MSRB2: variants seen among roughly 807,000 people sequenced by gnomAD.
The protein encoded by MSRB2 is methionine-R-sulfoxide reductase B2, mitochondrial.
Under a neutral mutation model 19.0 loss-of-function variants are expected in MSRB2, and 17 were observed. The ratio of observed to expected loss-of-function variants is 0.89; its 90% confidence interval spans 0.61 to 1.34. The LOEUF is 1.34. Ranked by LOEUF, MSRB2 falls within the 40% of genes most tolerant of loss-of-function variation. MSRB2 has a pLI of 0.00. For synonymous variants in MSRB2, 107 were observed against 99.7 expected (o/e 1.07, Z -0.44); for missense variants, 208 against 237.6 (o/e 0.88, Z 0.82).
chr10:23,120,705 C>A, intron 4 of MSRB2, 53 bp from the exon 5 acceptor site: 1 of 1,453,516 alleles, frequency 6.9e-7, no homozygotes, highest in South Asian at 1.2e-5. Context: ...TCTGGTTTTA[C>A]ATAAAGAGCT....
At chr10:23,112,423 G>C (rs1238265865) in intron 3 of MSRB2, among the ~76,000 whole-genome samples, 1 of 152,166 alleles carries the variant, frequency 6.6e-6, no homozygotes, top group Non-Finnish European at 1.5e-5. Context: ...TAACCTTTCT[G>C]TGTCTGATTT....
chr10:23,095,715 T>A lies in MSRB2; in HGVS notation c.107T>A (p.Leu36Gln), dbSNP rs777336578. Residue 36 changes from leucine (L) to glutamine (Q), a missense_variant, in exon 1 of 5, where the codon CTG becomes CAG. Coordinates refer to ENST00000376510, the MANE Select transcript of MSRB2 (RefSeq NM_012228.4). ...GGCGGGCCCGGCACCGGGCCGGGACTGGGGGAGGCAGGTAGGACGCGGGTC... is the reference window on the plus strand; with the variant it reads ...GGCGGGCCCGGCACCGGGCCGGGACAGGGGGAGGCAGGTAGGACGCGGGTC... ...GGGGPGTGPG[L>Q]GEAGSLATCE... The A allele has an allele frequency of 7.9e-7, 1 of 1,266,144 alleles. No homozygotes were observed. Among genetic ancestry groups the A allele is most frequent in the Non-Finnish European group, 9.9e-7 (1 of 1,010,074 alleles). 78.4% of individuals were successfully genotyped at this position (1,266,144 alleles called of 1,614,324 possible).
intron 3 of MSRB2, among the ~76,000 whole-genome samples, chr10:23,112,559 C>A (rs926864955): frequency 6.6e-6 from 1 of 152,136 alleles, no homozygotes; most frequent in Admixed American, 6.5e-5. Context: ...AGGCCAGGCA[C>A]TTGATGCAAG....
intron 2 of MSRB2, among the ~76,000 whole-genome samples, chr10:23,109,324 C>T (rs781772686): frequency 5.9e-5 from 9 of 152,240 alleles, no homozygotes; most frequent in Admixed American, 2.0e-4. Context: ...CCAAGACATG[C>T]AGATCACTTG....
chr10:23,111,868 A>C (rs1410187518), intron 3 of MSRB2, among the ~76,000 whole-genome samples: 1 of 7,850 alleles, frequency 1.3e-4, no homozygotes, highest in African/African-American at 3.7e-4. Flanking sequence ...TTAAACTTAA[A>C]TTTAATTTTA....
chr10:23,098,946 A>G (rs1385308020), intron 1 of MSRB2, among the ~76,000 whole-genome samples: 1 of 152,066 alleles, frequency 6.6e-6, no homozygotes, highest in East Asian at 1.9e-4. Context: ...TTGTCCTGAG[A>G]CCTCTTTCCT....
At chr10:23,105,771 G>T (rs1466736974) in intron 2 of MSRB2, among the ~76,000 whole-genome samples, 1 of 152,144 alleles carries the variant, frequency 6.6e-6, no homozygotes, top group Non-Finnish European at 1.5e-5. Flanking sequence ...CTACCCACAT[G>T]CACTGCCATT....
Position 23,104,142 on chromosome 10 carries a change from A to C in MSRB2, c.119-2A>C. ...TTTTAAAATTCCTGTTTAACAATAC[A>C]GGGTCTCTTGCAACGTGTGAGCTGC... On this transcript the variant is annotated splice_acceptor_variant, in intron 1 of 4. Coordinates refer to ENST00000376510, the MANE Select transcript of MSRB2 (RefSeq NM_012228.4). LOFTEE classifies it high-confidence loss of function. The C allele has an allele frequency of 6.2e-7, 1 of 1,607,180 alleles. No homozygotes were observed. The highest frequency in any genetic ancestry group is 1.1e-5 in the South Asian group (1 of 90,006).
intron 3 of MSRB2, among the ~76,000 whole-genome samples, chr10:23,118,259 T>C (rs921251619): frequency 6.6e-6 from 1 of 151,954 alleles, no homozygotes; most frequent in African/African-American, 2.4e-5. Context: ...GAGTTTGTGC[T>C]GCCAGCTAGG....
chr10:23,108,475 C>CTTTT lies in MSRB2; in HGVS notation c.220-1752_220-1749dup, dbSNP rs566565955. On this transcript the variant is annotated intron_variant, in intron 2 of 4. Transcript: ENST00000376510. ...AGGTGGGAAGGATGGGAAACTTCCT[C>CTTTT]TTTTTTTTTTTTTTTTTTGAGATGG... Among the ~76,000 whole-genome samples the CTTTT allele has an allele frequency of 1.3e-3, 166 of 129,250 alleles. 1 individual carries two copies. The highest frequency in any genetic ancestry group is 4.5e-3 in the African/African-American group (155 of 34,260). 84.8% of individuals were successfully genotyped at this position (129,250 alleles called of 152,430 possible).
intron 2 of MSRB2, among the ~76,000 whole-genome samples, chr10:23,108,703 T>C (rs1305063493): frequency 6.6e-6 from 1 of 151,958 alleles, no homozygotes. Flanking sequence ...CTTGAACTCC[T>C]GACTTCAGGT....
Position 23,120,814 on chromosome 10 carries a change from G to GT in MSRB2, c.505dup (p.Cys169LeufsTer38). 6.2e-7 allele frequency: 1 copy of GT among 1,614,144 alleles called. No individual in the cohort carries two copies. On this transcript the variant is annotated frameshift_variant, in exon 5 of 5. Transcript: ENST00000376510. LOFTEE classifies it high-confidence loss of function. The stretch of plus-strand genomic sequence containing the variant: ...ATGGACCTGGGCCCAATGGTCAGAG[G>GT]TTTTGCATCAACAGTGTGGCTTTGA...
At chr10:23,112,371 T>C (rs1242942570) in intron 3 of MSRB2, among the ~76,000 whole-genome samples, 1 of 152,218 alleles carries the variant, frequency 6.6e-6, no homozygotes, top group African/African-American at 2.4e-5. Context: ...TGCCAAGGTG[T>C]ATATCCTGGC....
intron 3 of MSRB2, among the ~76,000 whole-genome samples, chr10:23,117,059 G>C (rs946423068): frequency 6.6e-6 from 1 of 152,148 alleles, no homozygotes; most frequent in African/African-American, 2.4e-5. Context: ...AGTCCTCTTG[G>C]CCAAGAAGGG....
rs7427 is a variant in MSRB2 at position 23,119,349 on chromosome 10, C to T, written c.342C>T (p.Ser114=). ...YCSGTGWPSF[S]EAHGTSGSDE... ...CTGGCACTGGGTGGCCTTCGTTTTC[C>T]GAGGCTCATGGTACGTCTGGCTCTG... Residue 114 remains serine, a synonymous_variant, in exon 4 of 5, where the codon TCC becomes TCT. Transcript: ENST00000376510. 0.32 allele frequency: 516,676 copies of T among 1,613,762 alleles called. 85,085 individuals are homozygous for T. Among genetic ancestry groups the T allele is most frequent in the Non-Finnish European group, 0.34 (404,589 of 1,179,864 alleles).
intron 2 of MSRB2, among the ~76,000 whole-genome samples, chr10:23,105,941 T>G (rs1463357793): frequency 6.6e-6 from 1 of 152,212 alleles, no homozygotes; most frequent in East Asian, 1.9e-4. Context: ...TAGCCATTTG[T>G]GTAGACTGCA....
At chr10:23,108,247 C>T (rs937453885) in intron 2 of MSRB2, among the ~76,000 whole-genome samples, 3 of 152,024 alleles carry the variant, frequency 2.0e-5, no homozygotes, top group Non-Finnish European at 4.4e-5. Context: ...CATGAGCCAC[C>T]GCACCTGGCC....
chr10:23,095,692 C>A lies in MSRB2; in HGVS notation c.84C>A (p.Gly28=). ...CGGTGCGGGGCCAAGCGGGCGGCGG[C>A]GGGCCCGGCACCGGGCCGGGACTGG... The part of the protein sequence containing the change: ...RRAVRGQAGG[G]GPGTGPGLGE... Residue 28 remains glycine, a synonymous_variant, in exon 1 of 5, where the codon GGC becomes GGA. Transcript: ENST00000376510. 7.6e-7 allele frequency: 1 copy of A among 1,313,188 alleles called. No homozygotes were observed. The highest frequency in any genetic ancestry group is 9.6e-7 in the Non-Finnish European group (1 of 1,038,432). The allele number at this position is 1,313,188 out of a possible 1,614,324, so 81.3% of individuals were successfully genotyped here.
rs1398009574 is a variant in MSRB2 at position 23,119,394 on chromosome 10, C to T, written c.387C>T (p.Ile129=). Residue 129 remains isoleucine, a synonymous_variant, in exon 4 of 5, where the codon ATC becomes ATT. Coordinates refer to ENST00000376510, the MANE Select transcript of MSRB2 (RefSeq NM_012228.4). ...GCTCTGATGAAAGCCACACAGGGAT[C>T]CTGAGACGTCTGGATACCTCGTTAG... The part of the protein sequence containing the change: ...TSGSDESHTG[I]LRRLDTSLGS... 1.2e-6 allele frequency: 2 copies of T among 1,614,014 alleles called. No homozygotes were observed. The highest frequency in any genetic ancestry group is 2.7e-5 in the African/African-American group (2 of 74,912).
Sources: allele counts gnomAD v4.1 joint callset (sites outside exome capture counted in the v4.1 genomes callset), GRCh38; gene constraint gnomAD v4.1.1; transcripts MANE v1.5; gene names NCBI Gene and HGNC (gene_info 2026-07-23, HGNC 2026-07-21).